Variants in HEMK2 observed in about 807,000 individuals in gnomAD.
The protein encoded by HEMK2 is HemK methyltransferase 2, ETF1 glutamine and histone H4 lysine, also known as methyltransferase HEMK2.
the HEMK2 span, among the ~76,000 whole-genome samples, chr21:28,581,490 C>T: frequency 1.5e-5 from 2 of 137,110 alleles, no homozygotes; most frequent in Non-Finnish European, 3.2e-5. Context: ...GAAACTTAAC[C>T]GCAGCCCACC....
the HEMK2 span, among the ~76,000 whole-genome samples, chr21:28,713,555 G>T: frequency 6.6e-6 from 1 of 152,126 alleles, no homozygotes; most frequent in African/African-American, 2.4e-5. Context: ...TTGCTAGGAT[G>T]CTCTTTCCCC....
At chr21:28,784,376 T>A in the HEMK2 span, among the ~76,000 whole-genome samples, 1 of 152,082 alleles carries the variant, frequency 6.6e-6, no homozygotes, top group South Asian at 2.1e-4. Context: ...GCACCCTGTG[T>A]CTAGCTCAAG....
chr21:28,807,530 CTG>C, the HEMK2 span, among the ~76,000 whole-genome samples: 6 of 152,200 alleles, frequency 3.9e-5, no homozygotes, highest in African/African-American at 1.4e-4. Flanking sequence ...ACAAAGAACT[CTG>C]GAGCTGTGAG....
the HEMK2 span, among the ~76,000 whole-genome samples, chr21:28,613,647 T>TTTTTTG: frequency 1.1e-5 from 1 of 94,596 alleles, no homozygotes; most frequent in Non-Finnish European, 2.3e-5. Flanking sequence ...TTTTTTTTTT[T>TTTTTTG]GCCCTTAACC....
At chr21:28,859,083 G>A in the HEMK2 span, among the ~76,000 whole-genome samples, 1 of 152,010 alleles carries the variant, frequency 6.6e-6, no homozygotes, top group Non-Finnish European at 1.5e-5. Flanking sequence ...ATTTCCCTTT[G>A]TTGGTTGTTT....
chr21:28,722,838 C>T, the HEMK2 span, among the ~76,000 whole-genome samples: 3 of 152,094 alleles, frequency 2.0e-5, no homozygotes, highest in Non-Finnish European at 4.4e-5. Flanking sequence ...GAGCCAAGGT[C>T]GCGCCATTGC....
chr21:28,865,222 G>A, the HEMK2 span, among the ~76,000 whole-genome samples: 9 of 152,190 alleles, frequency 5.9e-5, no homozygotes, highest in Non-Finnish European at 1.0e-4. Flanking sequence ...CTGGAGTGCA[G>A]TGGCACAATC....
the HEMK2 span, among the ~76,000 whole-genome samples, chr21:28,735,783 C>T: frequency 2.0e-5 from 3 of 152,296 alleles, no homozygotes; most frequent in East Asian, 1.9e-4. Flanking sequence ...TTATGCTCAA[C>T]GGATTTGGAA....
chr21:28,735,140 T>C, the HEMK2 span, among the ~76,000 whole-genome samples: 1 of 152,212 alleles, frequency 6.6e-6, no homozygotes, highest in African/African-American at 2.4e-5. Context: ...ATGAGGTCTT[T>C]TGGGGCTATG....
chr21:28,641,141 A>T, the HEMK2 span, among the ~76,000 whole-genome samples: 1 of 152,186 alleles, frequency 6.6e-6, no homozygotes, highest in South Asian at 2.1e-4. Context: ...GGAATAAAAA[A>T]ATCCTTGTTT....
chr21:28,821,873 C>T, the HEMK2 span, among the ~76,000 whole-genome samples: 12 of 152,186 alleles, frequency 7.9e-5, no homozygotes, highest in East Asian at 1.9e-4. Context: ...CAAGACCTTG[C>T]CCTTTCTCCA....
the HEMK2 span, among the ~76,000 whole-genome samples, chr21:28,670,132 C>G: frequency 3.3e-5 from 5 of 151,794 alleles, no homozygotes; most frequent in Admixed American, 2.6e-4. Flanking sequence ...CAGAATCCAG[C>G]AATCCTGGTG....
the HEMK2 span, among the ~76,000 whole-genome samples, chr21:28,804,425 T>C: frequency 6.6e-6 from 1 of 152,090 alleles, no homozygotes; most frequent in Admixed American, 6.6e-5. Flanking sequence ...AGCAATCAGT[T>C]TGAATATCTC....
the HEMK2 span, among the ~76,000 whole-genome samples, chr21:28,866,657 C>G: frequency 1.3e-5 from 2 of 151,486 alleles, no homozygotes; most frequent in African/African-American, 4.9e-5. Context: ...TGCTTGAAAC[C>G]CGGAGGCAGA....
chr21:28,830,347 TC>T, the HEMK2 span, among the ~76,000 whole-genome samples: 1 of 151,930 alleles, frequency 6.6e-6, no homozygotes, highest in African/African-American at 2.4e-5. Flanking sequence ...GTGTGGCACT[TC>T]CCCCCCTTCA....
chr21:28,750,804 T>TG, the HEMK2 span, among the ~76,000 whole-genome samples: 3 of 151,934 alleles, frequency 2.0e-5, no homozygotes, highest in African/African-American at 4.8e-5. Context: ...ACAACCTGGT[T>TG]CAGTCTTTCA....
At chr21:28,607,591 A>G in the HEMK2 span, among the ~76,000 whole-genome samples, 1 of 152,154 alleles carries the variant, frequency 6.6e-6, no homozygotes, top group African/African-American at 2.4e-5. Flanking sequence ...TCTAGCCAAC[A>G]GGTTTAATCT....
the HEMK2 span, among the ~76,000 whole-genome samples, chr21:28,884,542 G>T: frequency 7.2e-5 from 11 of 152,160 alleles, no homozygotes; most frequent in African/African-American, 1.2e-4. Flanking sequence ...ATTTAAAATT[G>T]ATGGCGATCA....
At chr21:28,727,534 C>A in the HEMK2 span, among the ~76,000 whole-genome samples, 1 of 152,080 alleles carries the variant, frequency 6.6e-6, no homozygotes, top group Non-Finnish European at 1.5e-5. Context: ...CCTGCGTGCT[C>A]AAAATAACAA....
Sources: allele counts gnomAD v4.1 joint callset (sites outside exome capture counted in the v4.1 genomes callset), GRCh38; gene constraint gnomAD v4.1.1; transcripts MANE v1.5; gene names NCBI Gene and HGNC (gene_info 2026-07-23, HGNC 2026-07-21).